Variants in XKR4 observed in about 807,000 individuals in gnomAD.
XKR4 encodes XK related 4, also known as XK-related protein 4.
A neutral mutation model predicts 53.9 loss-of-function variants in XKR4; 12 were observed. The ratio of observed to expected loss-of-function variants is 0.22; its 90% CI spans 0.14 to 0.36. The LOEUF (loss-of-function observed/expected upper bound fraction) is 0.36. Among genes scored for constraint, XKR4 ranks in the 10% least tolerant of loss-of-function variants. The probability of loss-of-function intolerance (pLI) is 1.00; values close to 1 mark genes in which losing one functional copy is unlikely to be tolerated. For synonymous variants in XKR4, 354 were observed against 362.4 expected (o/e 0.98, Z 0.26); for missense variants, 799 against 859.5 (o/e 0.93, Z 0.88).
chr8:55,270,190 T>G (rs1818667162), intron 1 of XKR4, among the ~76,000 whole-genome samples: 1 of 152,130 alleles, frequency 6.6e-6, no homozygotes, highest in Admixed American at 6.5e-5. Context: ...TAAAGGGAGT[T>G]TGTGCATCAG....
chr8:55,435,299 C>T (rs889629950), intron 2 of XKR4, among the ~76,000 whole-genome samples: 15 of 152,186 alleles, frequency 9.9e-5, no homozygotes, highest in African/African-American at 2.6e-4. Flanking sequence ...AGACCAAAGG[C>T]GGAGTCTCTT....
At chr8:55,206,393 A>G (rs115637461) in intron 1 of XKR4, among the ~76,000 whole-genome samples, 7,766 of 152,230 alleles carry the variant, frequency 0.051, 507 homozygotes, top group African/African-American at 0.15. Context: ...AGCTAAACAG[A>G]AAAGTTCTCC....
chr8:55,508,840 C>T (rs142993958), intron 2 of XKR4, among the ~76,000 whole-genome samples: 4 of 152,272 alleles, frequency 2.6e-5, no homozygotes, highest in East Asian at 1.9e-4. Flanking sequence ...TCAGGGTCAC[C>T]GAACTCAGGC....
rs1465984759 is a variant in XKR4, at chr8:55,457,946, C to T, written c.1007-65335C>T. On this transcript the variant is annotated intron_variant, in intron 2 of 2. Transcript: ENST00000327381. ...AGCATTAACCTGAGGTAGAACTACA[C>T]ACAAAAAAACCATAAAACGTTACTG... Among the ~76,000 whole-genome samples, 4 of 147,028 alleles carry T rather than the reference C, an allele frequency of 2.7e-5. No homozygotes were observed. In the South Asian group the frequency reaches 9.0e-4, roughly 33 times the overall value.
At chr8:55,414,323 G>A (rs779096572) in intron 2 of XKR4, among the ~76,000 whole-genome samples, 5 of 151,990 alleles carry the variant, frequency 3.3e-5, no homozygotes, top group South Asian at 2.1e-4. Context: ...CTTGCAAGGC[G>A]CATTCCTGGA....
chr8:55,400,362 G>T (rs940927574), intron 2 of XKR4, among the ~76,000 whole-genome samples: 11 of 152,158 alleles, frequency 7.2e-5, no homozygotes, highest in Admixed American at 2.0e-4. Flanking sequence ...GTCTAGTTCA[G>T]ATCTACATAC....
intron 2 of XKR4, among the ~76,000 whole-genome samples, chr8:55,497,407 A>G (rs114098314): frequency 5.4e-4 from 83 of 152,322 alleles, no homozygotes; most frequent in African/African-American, 1.9e-3. Flanking sequence ...TGACGTTTAT[A>G]AAGTTGGGAA....
chr8:55,498,016 G>C (rs997433858), intron 2 of XKR4, among the ~76,000 whole-genome samples: 4 of 152,350 alleles, frequency 2.6e-5, no homozygotes, highest in African/African-American at 9.6e-5. Flanking sequence ...GGATTAGGGA[G>C]GGAGCCAGAA....
intron 2 of XKR4, among the ~76,000 whole-genome samples, chr8:55,381,355 G>A (rs1022899383): frequency 1.3e-5 from 2 of 152,134 alleles, no homozygotes; most frequent in East Asian, 1.9e-4. Flanking sequence ...ATGAGAGATG[G>A]GATTTATTAG....
At chr8:55,186,439 A>G (rs1817378011) in intron 1 of XKR4, among the ~76,000 whole-genome samples, 1 of 152,124 alleles carries the variant, frequency 6.6e-6, no homozygotes, top group Admixed American at 6.6e-5. Context: ...GCGGATCACG[A>G]GGTCAGGAGA....
intron 2 of XKR4, among the ~76,000 whole-genome samples, chr8:55,433,335 G>A (rs1001998058): frequency 5.3e-5 from 8 of 152,288 alleles, no homozygotes; most frequent in African/African-American, 9.6e-5. Flanking sequence ...TACAGAAGTC[G>A]CTAAATGATG....
At chr8:55,131,034 C>T (rs572679137) in intron 1 of XKR4, among the ~76,000 whole-genome samples, 4 of 152,134 alleles carry the variant, frequency 2.6e-5, no homozygotes, top group East Asian at 3.9e-4. Context: ...TGGTGCACGC[C>T]GGTAATCCCA....
intron 2 of XKR4, chr8:55,451,995 C>A: frequency 1.3e-6 from 1 of 774,340 alleles, no homozygotes; most frequent in Non-Finnish European, 2.4e-6. Context: ...ATGCTGCCGC[C>A]CGATGGTCTT....
At chr8:55,192,227 A>ATT (rs1362002876) in intron 1 of XKR4, among the ~76,000 whole-genome samples, 639 of 144,110 alleles carry the variant, frequency 4.4e-3, no homozygotes, top group Non-Finnish European at 5.3e-3. Context: ...CAATTCTTAC[A>ATT]AAGTCCCTTA....
chr8:55,428,119 ATGT>A (rs1420138771), intron 2 of XKR4, among the ~76,000 whole-genome samples: 7 of 152,224 alleles, frequency 4.6e-5, no homozygotes, highest in Middle Eastern at 3.2e-3. Context: ...ATCCAGGAAG[ATGT>A]AGTATACATG....
chr8:55,406,756 G>A (rs1273294502), intron 2 of XKR4, among the ~76,000 whole-genome samples: 4 of 152,166 alleles, frequency 2.6e-5, no homozygotes, highest in Non-Finnish European at 5.9e-5. Flanking sequence ...TGGCCTTTTG[G>A]CCACAAATGT....
In XKR4 at chr8:55,475,053, CTAAGAACTTA is replaced by C. The variant is rs553457990; in HGVS notation, c.1007-48224_1007-48215del. ...ATGTTATACAACTAAAAACAATAAC[CTAAGAACTTA>C]TAAATACATGCAAAATAATACAATA... On this transcript the variant is annotated intron_variant, in intron 2 of 2. Coordinates refer to ENST00000327381, the MANE Select transcript of XKR4 (RefSeq NM_052898.2). 6.5e-4 allele frequency among the ~76,000 whole-genome samples: 99 copies of C among 152,156 alleles called. 1 individual carries two copies. The highest frequency in any genetic ancestry group is 2.4e-3 in the African/African-American group (98 of 41,462).
At chr8:55,313,721 G>A (rs772610876) in intron 1 of XKR4, among the ~76,000 whole-genome samples, 3 of 152,274 alleles carry the variant, frequency 2.0e-5, no homozygotes, top group African/African-American at 4.8e-5. Flanking sequence ...AAGCAACTTC[G>A]AGTCACCTGC....
rs1304304327 is a variant in XKR4 at position 55,533,597 on chromosome 8, C to T, written c.*9370C>T. 1 of 152,210 alleles carries T rather than the reference C, an allele frequency of 6.6e-6. No homozygotes were observed. Among genetic ancestry groups the T allele is most frequent in the Non-Finnish European group, 1.5e-5 (1 of 68,044 alleles). The allele number at this position is 152,210 out of a possible 1,614,324, so 9.4% of individuals were successfully genotyped here. A position where few individuals can be genotyped will look rare whatever the true frequency, so the allele number is the denominator to read the frequency against. Reference sequence around the variant, plus strand: ...GAGCTGTCACTCAGAAATACAGTCACCACTGTCACAAAGCTGCCTATTGCT... The same window carrying T: ...GAGCTGTCACTCAGAAATACAGTCATCACTGTCACAAAGCTGCCTATTGCT... On this transcript the variant is annotated 3_prime_UTR_variant, in exon 3 of 3. Transcript: ENST00000327381.
Sources: allele counts gnomAD v4.1 joint callset (sites outside exome capture counted in the v4.1 genomes callset), GRCh38; gene constraint gnomAD v4.1.1; transcripts MANE v1.5; gene names NCBI Gene and HGNC (gene_info 2026-07-23, HGNC 2026-07-21).